Variants in ABI1 observed in about 807,000 individuals in gnomAD.
ABI1 encodes abl interactor 1.
A neutral mutation model predicts 54.6 loss-of-function variants in ABI1; 14 were observed. The ratio of observed to expected loss-of-function variants is 0.26; its 90% confidence interval spans 0.17 to 0.40. The LOEUF (loss-of-function observed/expected upper bound fraction) is 0.40. ABI1 is among the 10% of genes least tolerant of loss of function. ABI1 has a pLI of 1.00. For missense variants in ABI1, 443 were observed against 598.3 expected (o/e 0.74, Z 2.71); for synonymous variants, 194 against 209.3 (o/e 0.93, Z 0.63).
intron 2 of ABI1, chr10:26,790,440 A>G (rs886127173): frequency 6.6e-6 from 1 of 151,992 alleles, no homozygotes; most frequent in Non-Finnish European, 1.5e-5. Context: ...TCTTCTGAGA[A>G]GTGTCTGTTC....
intron 1 of ABI1, among the ~76,000 whole-genome samples, chr10:26,833,404 A>T (rs2048815047): frequency 6.6e-6 from 1 of 152,224 alleles, no homozygotes; most frequent in Non-Finnish European, 1.5e-5. Context: ...CCACAGCTAT[A>T]GCCTAAGACA....
At chr10:26,761,661 T>TAC (rs1554806654) in intron 7 of ABI1, among the ~76,000 whole-genome samples, 2,254 of 78,336 alleles carry the variant, frequency 0.029, 99 homozygotes, top group Middle Eastern at 0.071. Flanking sequence ...TATATATATA[T>TAC]ACACACACAC....
intron 1 of ABI1, among the ~76,000 whole-genome samples, chr10:26,835,644 T>C (rs1011331890): frequency 6.6e-6 from 1 of 151,836 alleles, no homozygotes; most frequent in African/African-American, 2.4e-5. Flanking sequence ...ACAAATGTTC[T>C]AAAAGGAAAT....
chr10:26,836,347 A>T (rs1036242319), intron 1 of ABI1, among the ~76,000 whole-genome samples: 1 of 152,110 alleles, frequency 6.6e-6, no homozygotes, highest in Non-Finnish European at 1.5e-5. Flanking sequence ...TCCTGACCTC[A>T]GGCAATCCAC....
At chr10:26,817,567 G>A (rs1410205604) in intron 2 of ABI1, among the ~76,000 whole-genome samples, 1 of 152,126 alleles carries the variant, frequency 6.6e-6, no homozygotes, top group Non-Finnish European at 1.5e-5. Flanking sequence ...CGGATGGAGA[G>A]TTAGTGCTTA....
intron 1 of ABI1, among the ~76,000 whole-genome samples, chr10:26,859,262 A>G (rs2051101910): frequency 6.6e-6 from 1 of 152,232 alleles, no homozygotes; most frequent in African/African-American, 2.4e-5. Context: ...AATTGTGAAG[A>G]TAAATTCCGA....
intron 1 of ABI1, among the ~76,000 whole-genome samples, chr10:26,857,058 A>C (rs900597026): frequency 1.3e-5 from 2 of 152,082 alleles, no homozygotes; most frequent in African/African-American, 2.4e-5. Flanking sequence ...GGTGGCTCAC[A>C]CCTATAATCC....
chr10:26,858,519 C>T lies in ABI1; in HGVS notation c.117+2228G>A, dbSNP rs2051025328. ...TGTCAGATTTAGGATTATACCCCACCCCGCCCCCACAAAAAAAGAAAAAAA... is the reference window on the plus strand; with the variant it reads ...TGTCAGATTTAGGATTATACCCCACTCCGCCCCCACAAAAAAAGAAAAAAA... On this transcript the variant is annotated intron_variant, in intron 1 of 10. Transcript: ENST00000376140. Among the ~76,000 whole-genome samples the T allele has an allele frequency of 3.6e-5, 5 of 140,756 alleles. No individual in the cohort carries two copies. In the South Asian group the frequency reaches 9.2e-4, roughly 26 times the overall value. 92.3% of individuals were successfully genotyped at this position (140,756 alleles called of 152,430 possible). A position where few individuals can be genotyped will look rare whatever the true frequency, so the allele number is the denominator to read the frequency against.
At chr10:26,842,436 C>A (rs759759305) in intron 1 of ABI1, among the ~76,000 whole-genome samples, 15 of 152,220 alleles carry the variant, frequency 9.9e-5, no homozygotes, top group Admixed American at 2.0e-4. Context: ...TGACGTCATT[C>A]CATTTATTTA....
At chr10:26,797,138 AG>A (rs749188040) in intron 2 of ABI1, among the ~76,000 whole-genome samples, 69 of 152,338 alleles carry the variant, frequency 4.5e-4, no homozygotes, top group Non-Finnish European at 8.7e-4. Context: ...TTAAGTCTAA[AG>A]GAAAGTAATT....
intron 1 of ABI1, among the ~76,000 whole-genome samples, chr10:26,842,201 A>C (rs1187798842): frequency 1.3e-5 from 2 of 152,218 alleles, no homozygotes; most frequent in East Asian, 3.8e-4. Flanking sequence ...GTACCTTTTC[A>C]TATACCTGTC....
At chr10:26,779,608 T>C (rs1841856003) in intron 2 of ABI1, among the ~76,000 whole-genome samples, 1 of 152,160 alleles carries the variant, frequency 6.6e-6, no homozygotes, top group Non-Finnish European at 1.5e-5. Flanking sequence ...CTTTAGAACT[T>C]TGGCTAGTTT....
At chr10:26,803,114 C>G (rs1350011034) in intron 2 of ABI1, among the ~76,000 whole-genome samples, 1 of 152,026 alleles carries the variant, frequency 6.6e-6, no homozygotes, top group Non-Finnish European at 1.5e-5. Flanking sequence ...AAGAGTTAGG[C>G]AGAAGAAATA....
intron 2 of ABI1, among the ~76,000 whole-genome samples, chr10:26,794,919 G>A (rs1041569748): frequency 1.2e-4 from 18 of 151,992 alleles, no homozygotes; most frequent in East Asian, 9.6e-4. Flanking sequence ...TGAGTTGGGC[G>A]GATTGCTTGA....
In ABI1 at chr10:26,780,258, G is replaced by T. The variant is rs150904161; in HGVS notation, c.286-3017C>A. Among the ~76,000 whole-genome samples, 676 of 152,094 alleles carry T rather than the reference G, an allele frequency of 4.4e-3. 5 individuals carry two copies. The highest frequency in any genetic ancestry group is 9.6e-3 in the African/African-American group (399 of 41,476). On this transcript the variant is annotated intron_variant, in intron 2 of 10. Coordinates refer to ENST00000376140, the MANE Select transcript of ABI1 (RefSeq NM_001012750.3). Reference sequence around the variant, plus strand: ...TTGTGTGTGTGTAAGACAAGGTCTCGCTCTGTCACCCAGGCTGGAGTGCAG... The same window carrying T: ...TTGTGTGTGTGTAAGACAAGGTCTCTCTCTGTCACCCAGGCTGGAGTGCAG...
intron 7 of ABI1, among the ~76,000 whole-genome samples, chr10:26,761,304 C>T (rs1214791813): frequency 6.6e-6 from 1 of 151,858 alleles, no homozygotes; most frequent in Non-Finnish European, 1.5e-5. Context: ...AAAAAGTGTA[C>T]AGAAATCGAG....
intron 6 of ABI1, among the ~76,000 whole-genome samples, chr10:26,766,890 G>A (rs1240926222): frequency 6.6e-6 from 1 of 152,148 alleles, no homozygotes; most frequent in East Asian, 1.9e-4. Flanking sequence ...TATAAATAAA[G>A]TTTTACTGGA....
chr10:26,796,141 G>A (rs545964117), intron 2 of ABI1, among the ~76,000 whole-genome samples: 2 of 151,910 alleles, frequency 1.3e-5, no homozygotes, highest in Non-Finnish European at 2.9e-5. Flanking sequence ...TGAAACAGTG[G>A]TTACCATGGT....
chr10:26,838,903 C>T lies in ABI1; in HGVS notation c.118-15598G>A, dbSNP rs139818499. Reference sequence around the variant, plus strand: ...GGTCTGCCACTATGCCACACTGCCTCCATTTATAATTCTAAAAATGAACAA... The same window carrying T: ...GGTCTGCCACTATGCCACACTGCCTTCATTTATAATTCTAAAAATGAACAA... On this transcript the variant is annotated intron_variant, in intron 1 of 10. Coordinates refer to ENST00000376140, the MANE Select transcript of ABI1 (RefSeq NM_001012750.3). 3.4e-3 allele frequency among the ~76,000 whole-genome samples: 514 copies of T among 152,272 alleles called. 2 individuals carry two copies. Among genetic ancestry groups the T allele is most frequent in the African/African-American group, 0.012 (497 of 41,528 alleles).
Sources: allele counts gnomAD v4.1 joint callset (sites outside exome capture counted in the v4.1 genomes callset), GRCh38; gene constraint gnomAD v4.1.1; transcripts MANE v1.5; gene names NCBI Gene and HGNC (gene_info 2026-07-23, HGNC 2026-07-21).